N4BP2: variants seen among roughly 807,000 people sequenced by gnomAD.
N4BP2 encodes NEDD4-binding protein 2.
In N4BP2, 91 loss-of-function variants were observed where a neutral mutation model predicts 152.8. The observed-to-expected ratio is 0.60, with a 90% CI of 0.50 to 0.71. N4BP2 has a LOEUF of 0.71. Ranked by LOEUF, N4BP2 falls within the 30% of genes least tolerant of loss-of-function variation. N4BP2 has a pLI of 0.00. For synonymous variants in N4BP2, 646 were observed against 705.3 expected, an observed-to-expected ratio of 0.92 and a Z score of 1.33; for missense variants, 1,923 against 2,059.1, an observed-to-expected ratio of 0.93 and a Z score of 1.28.
the N4BP2 span, among the ~76,000 whole-genome samples, chr4:40,163,980 C>A: frequency 2.0e-5 from 3 of 152,166 alleles, no homozygotes; most frequent in Non-Finnish European, 2.9e-5. Context: ...AGTTAAGTGA[C>A]TTTTCTCCAG....
intron 2 of N4BP2, among the ~76,000 whole-genome samples, chr4:40,095,058 G>A (rs754036777): frequency 1.1e-4 from 17 of 150,912 alleles, no homozygotes; most frequent in Non-Finnish European, 1.9e-4. Context: ...TTACAGTCGC[G>A]AGCCCCTGAG....
chr4:40,117,785 ATTG>A, intron 7 of N4BP2, 81 bp from the exon 8 acceptor site: 2 of 1,154,344 alleles, frequency 1.7e-6, no homozygotes, highest in South Asian at 3.6e-5. Flanking sequence ...GAAATATATT[ATTG>A]TTTTCCTAGA....
chr4:40,148,466 G>A (rs997589016), intron 16 of N4BP2, among the ~76,000 whole-genome samples: 4 of 104,126 alleles, frequency 3.8e-5, no homozygotes, highest in African/African-American at 1.1e-4. Context: ...GGAGACTGTG[G>A]GGAGAGGGAG....
At chr4:40,151,581 CT>C (rs1018687532) in intron 16 of N4BP2, among the ~76,000 whole-genome samples, 12 of 152,120 alleles carry the variant, frequency 7.9e-5, no homozygotes, top group Admixed American at 2.6e-4. Flanking sequence ...CAATGTAAAA[CT>C]TTTATGCGTA....
At chr4:40,057,102 T>C (rs2109875780) in intron 1 of N4BP2, 72 bp downstream of exon 1, 1 of 152,514 alleles carries the variant, frequency 6.6e-6, no homozygotes, top group Admixed American at 6.5e-5. Context: ...GTCCCGGGGC[T>C]CCGAGCCGAA....
In N4BP2 at chr4:40,146,979, T is replaced by G. The variant is rs542909506; in HGVS notation, c.5143+2179T>G. On this transcript the variant is annotated intron_variant, in intron 16 of 17. Coordinates refer to ENST00000261435, the MANE Select transcript of N4BP2 (RefSeq NM_018177.6). ...CGCAGAGGGGGATTTGGCAGGGTCATAGGACAATAGTGGAGGGAAGGTCAG... is the reference window on the plus strand; with the variant it reads ...CGCAGAGGGGGATTTGGCAGGGTCAGAGGACAATAGTGGAGGGAAGGTCAG... 2.7e-5 allele frequency among the ~76,000 whole-genome samples: 4 copies of G among 148,840 alleles called. No homozygotes were observed. In the Admixed American group the frequency reaches 2.7e-4, roughly 10 times the overall value.
intron 14 of N4BP2, 97 bp from the exon 15 acceptor site, chr4:40,142,576 C>T (rs1265598097): frequency 9.3e-6 from 7 of 753,918 alleles, no homozygotes; most frequent in South Asian, 2.0e-5. Context: ...TGAAAATATA[C>T]GACAGCCCAG....
chr4:40,088,448 T>C (rs1203432795), intron 2 of N4BP2, among the ~76,000 whole-genome samples: 1 of 152,136 alleles, frequency 6.6e-6, no homozygotes, highest in Non-Finnish European at 1.5e-5. Context: ...TCATTTGGTG[T>C]TGTACCTGTT....
Position 40,066,639 on chromosome 4 carries a change from A to G in N4BP2, c.-211-6816A>G, listed in dbSNP as rs537304843. Among the ~76,000 whole-genome samples the G allele has an allele frequency of 9.9e-5, 15 of 152,194 alleles. No individual in the cohort carries two copies. The South Asian group carries it at 1.2e-3, about 13-fold the overall frequency. On this transcript the variant is annotated intron_variant, in intron 1 of 17. Coordinates refer to ENST00000261435, the MANE Select transcript of N4BP2 (RefSeq NM_018177.6). ...CTAGCCCTGGTCTGTTTTTGAGTCT[A>G]TCTCTCTTGAGTGAACATTCTCTTT...
In N4BP2 at chr4:40,155,454, C is replaced by T. The variant is rs1442695292; in HGVS notation, c.*1217C>T. Reference sequence around the variant, plus strand: ...TTTGGTTATAATCATAAGAAGAATCCTTACAATTTAAAATATTTTCACTTT... The same window carrying T: ...TTTGGTTATAATCATAAGAAGAATCTTTACAATTTAAAATATTTTCACTTT... On this transcript the variant is annotated 3_prime_UTR_variant, in exon 18 of 18. Transcript: ENST00000261435. The T allele has an allele frequency of 2.6e-5, 4 of 151,814 alleles. No individual in the cohort carries two copies. The highest frequency in any genetic ancestry group is 6.6e-5 in the Admixed American group (1 of 15,240). 9.4% of individuals were successfully genotyped at this position (151,814 alleles called of 1,614,324 possible).
At chr4:40,184,983 A>AAATAAATAAATAAAT in the N4BP2 span, among the ~76,000 whole-genome samples, 72 of 151,520 alleles carry the variant, frequency 4.8e-4, no homozygotes, top group African/African-American at 1.7e-3. Flanking sequence ...ATAAATAAAT[A>AAATAAATAAATAAAT]AAATAAAAAA....
chr4:40,169,379 C>CA, the N4BP2 span, among the ~76,000 whole-genome samples: 14,082 of 94,694 alleles, frequency 0.15, 654 homozygotes, highest in Middle Eastern at 0.22. Context: ...AAGACTGTCT[C>CA]AAAAAAAAAA....
chr4:40,139,359 A>C (rs573796517), intron 14 of N4BP2, among the ~76,000 whole-genome samples: 1 of 152,196 alleles, frequency 6.6e-6, no homozygotes, highest in African/African-American at 2.4e-5. Context: ...AGCCTTCCAA[A>C]GTGCTAGGGT....
intron 14 of N4BP2, among the ~76,000 whole-genome samples, chr4:40,140,144 A>G (rs1485916451): frequency 6.6e-6 from 1 of 152,058 alleles, no homozygotes; most frequent in African/African-American, 2.4e-5. Flanking sequence ...TGCAATCCTT[A>G]TTAATAAGAC....
intron 2 of N4BP2, among the ~76,000 whole-genome samples, chr4:40,087,764 A>G (rs1215291079): frequency 6.9e-6 from 1 of 144,604 alleles, no homozygotes; most frequent in African/African-American, 2.6e-5. Context: ...AGATTTTTTT[A>G]TTTTTTGAGA....
intron 6 of N4BP2, among the ~76,000 whole-genome samples, chr4:40,113,039 A>T (rs185239386): frequency 1.7e-3 from 259 of 152,292 alleles, no homozygotes; most frequent in African/African-American, 5.8e-3. Flanking sequence ...ACATTTTTTT[A>T]AAGAACATTC....
chr4:40,150,011 T>A (rs1579156001), intron 16 of N4BP2, among the ~76,000 whole-genome samples: 1 of 152,106 alleles, frequency 6.6e-6, no homozygotes, highest in Non-Finnish European at 1.5e-5. Context: ...AAGGCCCATC[T>A]CTAGTGCATG....
At chr4:40,187,826 G>T in the N4BP2 span, among the ~76,000 whole-genome samples, 1 of 152,212 alleles carries the variant, frequency 6.6e-6, no homozygotes, top group Non-Finnish European at 1.5e-5. Context: ...CAGAAACTGT[G>T]CGTTAGTGGG....
intron 2 of N4BP2, among the ~76,000 whole-genome samples, chr4:40,090,445 C>T (rs1386731933): frequency 6.6e-6 from 1 of 152,080 alleles, no homozygotes; most frequent in Non-Finnish European, 1.5e-5. Flanking sequence ...AAGTTTTGTA[C>T]TTGTTTTCTT....
Sources: allele counts gnomAD v4.1 joint callset (sites outside exome capture counted in the v4.1 genomes callset), GRCh38; gene constraint gnomAD v4.1.1; transcripts MANE v1.5; gene names NCBI Gene and HGNC (gene_info 2026-07-23, HGNC 2026-07-21).